WWOX: variants seen among roughly 807,000 people sequenced by gnomAD.
WWOX encodes the protein WW domain-containing oxidoreductase.
A neutral mutation model predicts 46.2 loss-of-function variants in WWOX; 69 were observed. The observed-to-expected ratio is 1.49, with a 90% confidence interval of 1.23 to 1.82. WWOX has a LOEUF of 1.82. Ranked by LOEUF, WWOX falls within the 40% of genes most tolerant of loss-of-function variation. The pLI, the probability that WWOX is intolerant of heterozygous loss-of-function variation, is 0.00. For missense variants in WWOX, 919 were observed against 542.6 expected, an observed-to-expected ratio of 1.69 and a Z score of -6.89; for synonymous variants, 359 against 202.6, an observed-to-expected ratio of 1.77 and a Z score of -6.56.
intron 8 of WWOX, among the ~76,000 whole-genome samples, chr16:78,541,492 A>G (rs1236909497): frequency 6.7e-6 from 1 of 149,642 alleles, no homozygotes; most frequent in Non-Finnish European, 1.5e-5. Flanking sequence ...AAAAAAAAAA[A>G]AAAAAAAAAA....
At chr16:78,520,457 A>G (rs953344740) in intron 8 of WWOX, among the ~76,000 whole-genome samples, 5 of 152,128 alleles carry the variant, frequency 3.3e-5, no homozygotes, top group African/African-American at 1.2e-4. Flanking sequence ...TTACACACAT[A>G]TTTTGCAGAC....
intron 8 of WWOX, among the ~76,000 whole-genome samples, chr16:78,849,232 G>A (rs904782434): frequency 6.6e-6 from 1 of 152,168 alleles, no homozygotes; most frequent in Non-Finnish European, 1.5e-5. Context: ...TGTTGCTACA[G>A]AGTCACTCAT....
intron 8 of WWOX, among the ~76,000 whole-genome samples, chr16:78,918,926 G>T (rs146908488): frequency 6.6e-6 from 1 of 152,208 alleles, no homozygotes; most frequent in Non-Finnish European, 1.5e-5. Context: ...AGTTGTTATT[G>T]TGGTTACTTG....
chr16:79,030,820 T>C (rs914346588), intron 8 of WWOX, among the ~76,000 whole-genome samples: 2 of 152,130 alleles, frequency 1.3e-5, no homozygotes, highest in African/African-American at 4.8e-5. Context: ...TGGTGCCTCA[T>C]TCCTGTAATT....
rs559457555 is a variant in WWOX at position 78,132,111 on chromosome 16, A to G, written c.409+16957A>G. Among the ~76,000 whole-genome samples, 23 of 135,972 alleles carry G rather than the reference A, an allele frequency of 1.7e-4. No homozygotes were observed. The South Asian group carries it at 2.8e-3, about 17-fold the overall frequency. 89.2% of individuals were successfully genotyped at this position (135,972 alleles called of 152,430 possible). On this transcript the variant is annotated intron_variant, in intron 4 of 8. Coordinates refer to ENST00000566780, the MANE Select transcript of WWOX (RefSeq NM_016373.4). The stretch of plus-strand genomic sequence containing the variant: ...GCTATCTTGGCTCACTGCAAGCTCC[A>G]CCTCCCGGGTTCACGCCATTCTCCT...
intron 8 of WWOX, among the ~76,000 whole-genome samples, chr16:78,556,421 G>C (rs1031180553): frequency 2.0e-5 from 3 of 152,282 alleles, no homozygotes; most frequent in African/African-American, 4.8e-5. Flanking sequence ...TGGTCTCAGA[G>C]CACGGGGAAC....
At chr16:78,940,231 T>C (rs1430444141) in intron 8 of WWOX, among the ~76,000 whole-genome samples, 3 of 152,224 alleles carry the variant, frequency 2.0e-5, no homozygotes, top group Non-Finnish European at 2.9e-5. Context: ...AATGTTTGTG[T>C]GTAGAAATAG....
chr16:78,842,502 C>CAAAAAA (rs56295985), intron 8 of WWOX, among the ~76,000 whole-genome samples: 122,492 of 151,256 alleles, frequency 0.81, 49,994 homozygotes, highest in Middle Eastern at 0.88. Context: ...CACCCTGTTT[C>CAAAAAA]GAAAAAGAAA....
intron 8 of WWOX, among the ~76,000 whole-genome samples, chr16:78,867,151 G>A (rs1399586264): frequency 1.3e-5 from 2 of 152,104 alleles, no homozygotes; most frequent in African/African-American, 4.8e-5. Flanking sequence ...TCAATGACAA[G>A]AAAAGTGGAG....
At chr16:78,233,578 GTGCACTATCGCGATCTCGGCTCA>G (rs1222601423) in intron 5 of WWOX, among the ~76,000 whole-genome samples, 1 of 148,842 alleles carries the variant, frequency 6.7e-6, no homozygotes, top group Non-Finnish European at 1.5e-5. Flanking sequence ...CCAGGCTGGA[GTGCACTATCGCGATCTCGGCTCA>G]TTGCAAGCTC....
chr16:78,206,823 C>T (rs1369406448), intron 5 of WWOX, among the ~76,000 whole-genome samples: 1 of 152,156 alleles, frequency 6.6e-6, no homozygotes, highest in Non-Finnish European at 1.5e-5. Flanking sequence ...TCCAAGGTCA[C>T]ACAACTAAAA....
intron 6 of WWOX, among the ~76,000 whole-genome samples, chr16:78,422,798 TATATACACAC>T (rs1567563579): frequency 8.1e-6 from 1 of 123,298 alleles, no homozygotes; most frequent in African/African-American, 4.4e-5. Context: ...CACACACATA[TATATACACAC>T]ACATATATAT....
At position 78,401,848 on chromosome 16, in the gene WWOX, C is replaced by T. The variant is rs563117251; in HGVS notation, c.605+14900C>T. Among the ~76,000 whole-genome samples, 29 of 152,014 alleles carry T rather than the reference C, an allele frequency of 1.9e-4. No individual in the cohort carries two copies. In the South Asian group the frequency reaches 3.1e-3, roughly 16 times the overall value. On this transcript the variant is annotated intron_variant, in intron 6 of 8. Coordinates refer to ENST00000566780, the MANE Select transcript of WWOX (RefSeq NM_016373.4). ...CTGAGTAGCTGGGATTACAGGTGTG[C>T]GCCACCACGCTTGGCTAATTTTTGT...
chr16:78,879,839 T>A (rs1243245132), intron 8 of WWOX, among the ~76,000 whole-genome samples: 1 of 151,046 alleles, frequency 6.6e-6, no homozygotes, highest in Non-Finnish European at 1.5e-5. Context: ...ATCATGTCAT[T>A]GTACTCCAGC....
intron 6 of WWOX, among the ~76,000 whole-genome samples, chr16:78,395,226 A>G (rs548016608): frequency 9.8e-5 from 15 of 152,288 alleles, no homozygotes; most frequent in Middle Eastern, 6.8e-3. Context: ...GGCTTTCACA[A>G]TCGTTTGAGA....
intron 8 of WWOX, among the ~76,000 whole-genome samples, chr16:78,827,304 A>G (rs1349964473): frequency 1.3e-5 from 2 of 152,154 alleles, no homozygotes; most frequent in Non-Finnish European, 2.9e-5. Flanking sequence ...AGATGACATC[A>G]AAGCACCATG....
intron 8 of WWOX, among the ~76,000 whole-genome samples, chr16:78,869,069 C>T (rs577876815): frequency 2.6e-5 from 4 of 152,102 alleles, no homozygotes; most frequent in Non-Finnish European, 4.4e-5. Context: ...CAGAGATAAC[C>T]ACTGTATGTT....
rs114752722 is a variant in WWOX at position 78,356,494 on chromosome 16, C to G, written c.517-30366C>G. 5.4e-3 allele frequency among the ~76,000 whole-genome samples: 823 copies of G among 152,216 alleles called. 9 individuals are homozygous for G. Among genetic ancestry groups the G allele is most frequent in the African/African-American group, 0.016 (666 of 41,534 alleles). On this transcript the variant is annotated intron_variant, in intron 5 of 8. Coordinates refer to ENST00000566780, the MANE Select transcript of WWOX (RefSeq NM_016373.4). ...CACATCTCTAGTTTGTTGTAAGTCG[C>G]CTACCCTAGACCTCATCTCCAGTGC...
chr16:79,029,662 T>G (rs59845969), intron 8 of WWOX, among the ~76,000 whole-genome samples: 1,903 of 152,332 alleles, frequency 0.012, 45 homozygotes, highest in African/African-American at 0.043. Context: ...AATGAGAAAT[T>G]GCTTGTCCTT....
Sources: allele counts gnomAD v4.1 joint callset (sites outside exome capture counted in the v4.1 genomes callset), GRCh38; gene constraint gnomAD v4.1.1; transcripts MANE v1.5; gene names NCBI Gene and HGNC (gene_info 2026-07-23, HGNC 2026-07-21).